PTGR1: variants seen among roughly 807,000 people sequenced by gnomAD.
PTGR1 encodes the protein 15-oxoprostaglandin 13-reductase.
A neutral mutation model predicts 37.7 loss-of-function variants in PTGR1; 23 were observed. The ratio of observed to expected loss-of-function variants is 0.61; its 90% CI spans 0.44 to 0.86. The LOEUF (loss-of-function observed/expected upper bound fraction) is 0.86, where lower values mean the gene tolerates loss of function less well. Ranked by LOEUF, PTGR1 falls within the 40% of genes least tolerant of loss-of-function variation. The pLI is 0.00. For synonymous variants in PTGR1, 134 were observed against 140.0 expected (o/e 0.96, Z 0.30); for missense variants, 351 against 394.3 (o/e 0.89, Z 0.93).
rs1293051185 is a variant in PTGR1 at position 111,575,779 on chromosome 9, A to C, written c.652-937T>G. ...CATCGTAGACCTGAATGTAACAGCT[A>C]AAACTATAAAACTCTTAGAAGAAAA... On this transcript the variant is annotated intron_variant, in intron 7 of 9. Transcript: ENST00000407693. 1.1e-4 allele frequency among the ~76,000 whole-genome samples: 16 copies of C among 152,246 alleles called. 1 individual carries two copies. The highest frequency in any genetic ancestry group is 1.0e-3 in the Admixed American group (16 of 15,286).
At position 111,578,830 on chromosome 9, in the gene PTGR1, G is replaced by A. The variant is rs750630020; in HGVS notation, c.617C>T (p.Ala206Val). The A allele has an allele frequency of 2.1e-5, 33 of 1,607,140 alleles. No homozygotes were observed. Among genetic ancestry groups the A allele is most frequent in the South Asian group, 6.7e-5 (6 of 89,654 alleles). Residue 206 changes from alanine (A) to valine (V), a missense_variant, in exon 7 of 10, where the codon GCG (alanine) becomes GTG (valine). By Grantham distance (64) the Ala-to-Val change is moderately conservative. Transcript: ENST00000407693. Reference sequence around the variant, plus strand: ...ATAACAATCATAACCATCAGGAGACGCTTTCTTCAAGGTTTCTTCCAAAGA... The same window carrying A: ...ATAACAATCATAACCATCAGGAGACACTTTCTTCAAGGTTTCTTCCAAAGA... The part of the protein sequence containing the change: ...VESLEETLKK[A>V]SPDGYDCYFD...
chr9:111,559,627 ATAAC>A (rs2132303850), downstream of PTGR1, among the ~76,000 whole-genome samples: 1 of 148,444 alleles, frequency 6.7e-6, no homozygotes, highest in South Asian at 2.1e-4. Flanking sequence ...ACATACATAT[ATAAC>A]ACACACACAC....
rs765397672 is a variant in PTGR1 at position 111,578,829 on chromosome 9, C to T, written c.618G>A (p.Ala206=). ...AATAACAATCATAACCATCAGGAGACGCTTTCTTCAAGGTTTCTTCCAAAG... is the reference window on the plus strand; with the variant it reads ...AATAACAATCATAACCATCAGGAGATGCTTTCTTCAAGGTTTCTTCCAAAG... ...VESLEETLKK[A]SPDGYDCYFD... Residue 206 remains alanine, a synonymous_variant, in exon 7 of 10, where the codon GCG becomes GCA. Transcript: ENST00000407693. 3.5e-5 allele frequency: 57 copies of T among 1,607,576 alleles called. No individual in the cohort carries two copies. The highest frequency in any genetic ancestry group is 1.1e-4 in the South Asian group (10 of 89,700).
chr9:111,591,020 G>A (rs897962238), intron 4 of PTGR1, among the ~76,000 whole-genome samples: 11 of 152,132 alleles, frequency 7.2e-5, no homozygotes, highest in Admixed American at 7.2e-4. Flanking sequence ...GGCCGGGCAC[G>A]GTGGCTCATG....
At chr9:111,570,005 G>C (rs1828737669) in intron 9 of PTGR1, 86 bp downstream of exon 9, 2 of 1,583,286 alleles carry the variant, frequency 1.3e-6, no homozygotes, top group Admixed American at 1.8e-5. Flanking sequence ...CAGAGATGGG[G>C]AAGAATTGGT....
chr9:111,597,199 T>C lies in PTGR1; in HGVS notation c.106+118A>G, dbSNP rs376854340. 7.0e-5 allele frequency: 54 copies of C among 773,350 alleles called. No individual in the cohort carries two copies. In the South Asian group the frequency reaches 7.9e-4, roughly 11 times the overall value. The allele number at this position is 773,350 out of a possible 1,614,324, so 47.9% of individuals were successfully genotyped here. On this transcript the variant is annotated intron_variant, in intron 2 of 9. Coordinates refer to ENST00000407693, the MANE Select transcript of PTGR1 (RefSeq NM_001146108.2). ...CAGCCCAAATTGCCAACCCAAAGAA[T>C]TGTGAACTAATAAACCGTTGTTGCT...
intron 8 of PTGR1, among the ~76,000 whole-genome samples, chr9:111,571,349 C>A (rs1291557601): frequency 1.3e-5 from 2 of 149,642 alleles, no homozygotes; most frequent in African/African-American, 4.8e-5. Context: ...AAGGGGACTG[C>A]AGTGAGCTGA....
At chr9:111,563,464 G>C (rs1315825264) in intron 9 of PTGR1, 1 of 391,484 alleles carries the variant, frequency 2.6e-6, no homozygotes, top group Non-Finnish European at 4.5e-6. Flanking sequence ...TCGGATCATA[G>C]TGCGAAATGT....
At chr9:111,576,046 G>C (rs955907498) in intron 7 of PTGR1, among the ~76,000 whole-genome samples, 1 of 152,016 alleles carries the variant, frequency 6.6e-6, no homozygotes, top group African/African-American at 2.4e-5. Context: ...TGTGGTCCCA[G>C]CTACTTGGGA....
chr9:111,580,616 G>A (rs1405056499), intron 6 of PTGR1, among the ~76,000 whole-genome samples: 2 of 152,110 alleles, frequency 1.3e-5, no homozygotes, highest in Admixed American at 6.5e-5. Context: ...TTAGCCAGGC[G>A]TGGTGGCACA....
chr9:111,599,339 C>A (rs1829873846), intron 1 of PTGR1: 2 of 152,418 alleles, frequency 1.3e-5, no homozygotes, highest in South Asian at 4.1e-4. Context: ...AGGAAGCTAC[C>A]GGGTGTCCCG....
At chr9:111,583,184 C>T (rs1201565248) in intron 6 of PTGR1, among the ~76,000 whole-genome samples, 1 of 152,220 alleles carries the variant, frequency 6.6e-6, no homozygotes, top group Non-Finnish European at 1.5e-5. Context: ...GAAGATTAAG[C>T]TGTAGCGATA....
At chr9:111,565,014 G>A (rs972893988) in intron 9 of PTGR1, among the ~76,000 whole-genome samples, 1 of 151,926 alleles carries the variant, frequency 6.6e-6, no homozygotes, top group Non-Finnish European at 1.5e-5. Flanking sequence ...ATCCCAGCTA[G>A]TCAGGAGGCT....
chr9:111,565,912 C>G (rs73535446), intron 9 of PTGR1, among the ~76,000 whole-genome samples: 2 of 152,058 alleles, frequency 1.3e-5, no homozygotes, highest in Non-Finnish European at 1.5e-5. Flanking sequence ...GGCCAACTCA[C>G]GACTTAAAAC....
downstream of PTGR1, among the ~76,000 whole-genome samples, chr9:111,561,250 C>T (rs925929645): frequency 2.0e-5 from 3 of 149,674 alleles, no homozygotes; most frequent in Admixed American, 1.3e-4. Context: ...TTGTGTTCAT[C>T]AGTAATGTTG....
intron 4 of PTGR1, among the ~76,000 whole-genome samples, chr9:111,587,293 G>A (rs1025773581): frequency 1.3e-5 from 2 of 151,782 alleles, no homozygotes; most frequent in African/African-American, 4.8e-5. Flanking sequence ...TTCCTTCCCA[G>A]ATCATAAAGT....
At chr9:111,580,467 G>A (rs1019836602) in intron 6 of PTGR1, among the ~76,000 whole-genome samples, 6 of 151,888 alleles carry the variant, frequency 4.0e-5, no homozygotes, top group East Asian at 3.9e-4. Flanking sequence ...CTTAAAATCC[G>A]ACTCTGGGCC....
At chr9:111,578,215 T>C (rs1829146083) in intron 7 of PTGR1, among the ~76,000 whole-genome samples, 1 of 152,186 alleles carries the variant, frequency 6.6e-6, no homozygotes. Context: ...CCTCAACCTT[T>C]TTGGCACCAG....
chr9:111,591,955 A>T (rs1343575453), intron 4 of PTGR1, among the ~76,000 whole-genome samples: 2 of 152,224 alleles, frequency 1.3e-5, no homozygotes, highest in Non-Finnish European at 2.9e-5. Context: ...ATGACCAGAC[A>T]TGCAGTCAGG....
Sources: allele counts gnomAD v4.1 joint callset (sites outside exome capture counted in the v4.1 genomes callset), GRCh38; gene constraint gnomAD v4.1.1; transcripts MANE v1.5; gene names NCBI Gene and HGNC (gene_info 2026-07-23, HGNC 2026-07-21).